IKZF2: variants seen among roughly 807,000 people sequenced by gnomAD.
The protein encoded by IKZF2 is zinc finger protein Helios.
A neutral mutation model predicts 49.2 loss-of-function variants in IKZF2; 15 were observed. That is an observed-to-expected ratio of 0.30 (90% CI 0.20 to 0.47). The LOEUF (loss-of-function observed/expected upper bound fraction) is 0.47, where lower values mean the gene tolerates loss of function less well. Ranked by LOEUF, IKZF2 falls within the 20% of genes least tolerant of loss-of-function variation. The pLI is 1.00. For missense variants in IKZF2, 567 were observed against 664.6 expected (o/e 0.85, Z 1.61); for synonymous variants, 227 against 221.4 (o/e 1.03, Z -0.23).
upstream of IKZF2, chr2:213,152,053 GGGCCAGGTAA>G (rs2061299815): frequency 3.3e-5 from 5 of 152,196 alleles, no homozygotes; most frequent in African/African-American, 1.2e-4. Flanking sequence ...CCCCCGACGG[GGGCCAGGTAA>G]CCCGCTTCCG....
At chr2:213,091,692 T>A (rs184814360) in intron 4 of IKZF2, among the ~76,000 whole-genome samples, 145 of 152,260 alleles carry the variant, frequency 9.5e-4, no homozygotes, top group Non-Finnish European at 1.9e-3. Flanking sequence ...TTATGAAAGA[T>A]GTGGGATCAA....
intron 4 of IKZF2, among the ~76,000 whole-genome samples, chr2:213,130,634 C>T (rs1377478455): frequency 6.6e-6 from 1 of 152,162 alleles, no homozygotes; most frequent in African/African-American, 2.4e-5. Flanking sequence ...TTACCACAAA[C>T]AGTTCTTTTT....
In IKZF2 at chr2:213,142,602, C is replaced by G. The variant is rs2060914188; in HGVS notation, c.139+5106G>C. ...CCCATTGAGGTAGGTATTGCTTATC[C>G]CTATTCTACGGATAAGGAAACTGGA... is the stretch of plus-strand genomic sequence containing the variant. On this transcript the variant is annotated intron_variant, in intron 4 of 8. Transcript: ENST00000434687. Among the ~76,000 whole-genome samples the G allele has an allele frequency of 1.3e-5, 2 of 151,846 alleles. 1 individual carries two copies. The highest frequency in any genetic ancestry group is 4.2e-4 in the South Asian group (2 of 4,814).
At chr2:213,056,617 T>A (rs544686291) in intron 5 of IKZF2, 1 of 679,508 alleles carries the variant, frequency 1.5e-6, no homozygotes, top group East Asian at 2.7e-5. Context: ...GGAAACTGAA[T>A]CCCAAACTTC....
chr2:213,116,698 C>T (rs2059888369), intron 4 of IKZF2, among the ~76,000 whole-genome samples: 1 of 152,142 alleles, frequency 6.6e-6, no homozygotes, highest in South Asian at 2.1e-4. Context: ...ATGATCGCAT[C>T]ACTGCACTCA....
At position 213,149,833 on chromosome 2, in the gene IKZF2, T is replaced by C. The variant is rs921461011; in HGVS notation, c.-16+311A>G. The stretch of plus-strand genomic sequence containing the variant: ...TTCTTTATGGAATAATCAGATCAAA[T>C]TCCCAACTCAGTCACTACATAGCAC... On this transcript the variant is annotated intron_variant, in intron 2 of 8. Transcript: ENST00000434687. 4.1e-5 allele frequency among the ~76,000 whole-genome samples: 6 copies of C among 145,870 alleles called. No individual in the cohort carries two copies. The Admixed American group carries it at 4.2e-4, about 10-fold the overall frequency.
intron 4 of IKZF2, among the ~76,000 whole-genome samples, chr2:213,101,578 G>A (rs1706671559): frequency 6.6e-6 from 1 of 151,870 alleles, no homozygotes; most frequent in Non-Finnish European, 1.5e-5. Flanking sequence ...TCAAATGAAG[G>A]AAATCCTTAC....
At chr2:213,039,334 T>G (rs1249185430) in intron 6 of IKZF2, among the ~76,000 whole-genome samples, 2 of 152,012 alleles carry the variant, frequency 1.3e-5, no homozygotes, top group African/African-American at 4.8e-5. Context: ...TATAGGGACT[T>G]GAAAAATAAA....
At chr2:213,084,410 A>AGTCATACATTATTAGAGG (rs1304732872) in intron 4 of IKZF2, among the ~76,000 whole-genome samples, 3 of 152,208 alleles carry the variant, frequency 2.0e-5, no homozygotes, top group Non-Finnish European at 4.4e-5. Context: ...CCTAAACTAC[A>AGTCATACATTATTAGAGG]GTTTACTCAC....
intron 4 of IKZF2, among the ~76,000 whole-genome samples, chr2:213,064,299 G>A (rs1182096724): frequency 1.3e-5 from 2 of 151,940 alleles, no homozygotes; most frequent in Non-Finnish European, 2.9e-5. Flanking sequence ...TGACAGTCTT[G>A]TGTCAATTAT....
intron 6 of IKZF2, among the ~76,000 whole-genome samples, chr2:213,039,499 C>A (rs1699400656): frequency 6.6e-6 from 1 of 152,008 alleles, no homozygotes; most frequent in Non-Finnish European, 1.5e-5. Context: ...CAACAAACTT[C>A]ATAAGCTGAA....
chr2:213,151,819 G>T (rs917376517), upstream of IKZF2, among the ~76,000 whole-genome samples: 5 of 148,684 alleles, frequency 3.4e-5, no homozygotes, highest in African/African-American at 1.2e-4. Flanking sequence ...TGTGTGCGGG[G>T]CCCGAGCGCC....
intron 6 of IKZF2, 39 bp downstream of exon 6, chr2:213,049,674 C>T: frequency 6.8e-7 from 1 of 1,480,286 alleles, no homozygotes. Flanking sequence ...CTAAGTTTTC[C>T]TGTTTTACTT....
chr2:213,027,324 C>CTATT (rs1343001395), intron 6 of IKZF2, among the ~76,000 whole-genome samples: 1 of 152,050 alleles, frequency 6.6e-6, no homozygotes, highest in East Asian at 1.9e-4. Context: ...TCATAACATA[C>CTATT]TATTTGGCTC....
chr2:213,147,533 C>A, intron 4 of IKZF2, 175 bp downstream of exon 4: 2 of 705,892 alleles, frequency 2.8e-6, no homozygotes, highest in South Asian at 1.5e-5. Flanking sequence ...AGTAAGCAGG[C>A]TCATGTTTTA....
intron 5 of IKZF2, among the ~76,000 whole-genome samples, chr2:213,053,446 T>C (rs1348898830): frequency 2.0e-5 from 3 of 152,200 alleles, no homozygotes; most frequent in Non-Finnish European, 4.4e-5. Context: ...AATATTCAAT[T>C]AAAATGCAAA....
chr2:213,064,085 T>G (rs1701948352), intron 4 of IKZF2, among the ~76,000 whole-genome samples: 1 of 152,014 alleles, frequency 6.6e-6, no homozygotes, highest in Non-Finnish European at 1.5e-5. Flanking sequence ...TACACCTAGT[T>G]GCTGAAGAAT....
chr2:213,064,798 C>G (rs915797717), intron 4 of IKZF2, among the ~76,000 whole-genome samples: 2 of 151,972 alleles, frequency 1.3e-5, no homozygotes, highest in African/African-American at 4.8e-5. Flanking sequence ...TGACCTCTCA[C>G]CTGGAACAAT....
chr2:213,097,132 T>C (rs1706097735), intron 4 of IKZF2, among the ~76,000 whole-genome samples: 1 of 151,940 alleles, frequency 6.6e-6, no homozygotes, highest in African/African-American at 2.4e-5. Flanking sequence ...GCTAATGGCA[T>C]GCAGTTTAAT....
Sources: gnomAD v4.1 joint callset for allele counts (sites outside exome capture counted in the v4.1 genomes callset) on GRCh38, gnomAD v4.1.1 for gene constraint, MANE v1.5 for transcripts, NCBI Gene and HGNC (gene_info 2026-07-23, HGNC 2026-07-21) for gene names.